Variants in GRB14 observed in about 807,000 individuals in gnomAD.
GRB14 encodes the protein growth factor receptor-bound protein 14.
Under a neutral mutation model 69.1 loss-of-function variants are expected in GRB14, and 38 were observed. The observed-to-expected ratio is 0.55, with a 90% CI of 0.42 to 0.72. The LOEUF is 0.72. Ranked by LOEUF, GRB14 falls within the 30% of genes least tolerant of loss-of-function variation. The pLI is 0.00. For synonymous variants in GRB14, 247 were observed against 241.3 expected (o/e 1.02, Z -0.22); for missense variants, 666 against 666.1 (o/e 1.00, Z 0.00).
rs926370175 is a variant in GRB14 at position 164,614,899 on chromosome 2, C to T, written c.324+4788G>A. Among the ~76,000 whole-genome samples the T allele has an allele frequency of 2.6e-5, 4 of 152,136 alleles. No homozygotes were observed. In the East Asian group the frequency reaches 7.7e-4, roughly 29 times the overall value. The stretch of plus-strand genomic sequence containing the variant: ...CCTTTAATTTGGGGACAGAGATCTG[C>T]TTATCCTTTGAAAGTCCGTGACATG... On this transcript the variant is annotated intron_variant, in intron 2 of 13. Coordinates refer to ENST00000263915, the MANE Select transcript of GRB14 (RefSeq NM_004490.3).
chr2:164,572,519 GC>G, intron 2 of GRB14, among the ~76,000 whole-genome samples: 1 of 152,144 alleles, frequency 6.6e-6, no homozygotes, highest in Non-Finnish European at 1.5e-5. Context: ...CATATCAATT[GC>G]CCATTAAGTG....
intron 2 of GRB14, among the ~76,000 whole-genome samples, chr2:164,598,661 G>A (rs1295967794): frequency 1.3e-5 from 2 of 152,106 alleles, no homozygotes; most frequent in Non-Finnish European, 2.9e-5. Context: ...TAGTTTTAAA[G>A]TAAAAAATTC....
At chr2:164,590,926 TG>T (rs1461033372) in intron 2 of GRB14, among the ~76,000 whole-genome samples, 1 of 152,212 alleles carries the variant, frequency 6.6e-6, no homozygotes, top group Admixed American at 6.5e-5. Context: ...AAGTCACATG[TG>T]GAATAACATG....
At chr2:164,526,528 C>T (rs79223780) in intron 4 of GRB14, among the ~76,000 whole-genome samples, 3,715 of 152,042 alleles carry the variant, frequency 0.024, 133 homozygotes, top group African/African-American at 0.082. Flanking sequence ...TCATGTCAAT[C>T]TTAATTTCTG....
chr2:164,551,663 A>G (rs748846051), intron 2 of GRB14, among the ~76,000 whole-genome samples: 7 of 152,148 alleles, frequency 4.6e-5, no homozygotes, highest in Non-Finnish European at 8.8e-5. Flanking sequence ...CTCACAAACA[A>G]CATGCTTTCT....
At chr2:164,556,897 G>T (rs908790780) in intron 2 of GRB14, among the ~76,000 whole-genome samples, 9 of 152,128 alleles carry the variant, frequency 5.9e-5, no homozygotes, top group Non-Finnish European at 1.2e-4. Flanking sequence ...AGTGATGAAA[G>T]AAACCATCAT....
intron 3 of GRB14, among the ~76,000 whole-genome samples, chr2:164,532,909 G>T (rs1372901489): frequency 6.6e-6 from 1 of 152,158 alleles, no homozygotes; most frequent in Non-Finnish European, 1.5e-5. Flanking sequence ...GGGAAACGAG[G>T]CAGAGTTAAA....
chr2:164,591,642 A>G (rs1689666813), intron 2 of GRB14, among the ~76,000 whole-genome samples: 1 of 152,156 alleles, frequency 6.6e-6, no homozygotes, highest in Non-Finnish European at 1.5e-5. Context: ...CAAAGGCCTT[A>G]GGGCAGTTAA....
chr2:164,516,598 T>C lies in GRB14; in HGVS notation c.816+5382A>G, dbSNP rs367877392. Reference sequence around the variant, plus strand: ...TCTTTAGTCTCCTTAAACAAAATAATTATCAGCCAAAAATTTTGTATCCAG... The same window carrying C: ...TCTTTAGTCTCCTTAAACAAAATAACTATCAGCCAAAAATTTTGTATCCAG... On this transcript the variant is annotated intron_variant, in intron 6 of 13. Transcript: ENST00000263915. 2.0e-5 allele frequency among the ~76,000 whole-genome samples: 3 copies of C among 152,034 alleles called. No individual in the cohort carries two copies. The East Asian group carries it at 5.8e-4, about 29-fold the overall frequency.
intron 2 of GRB14, among the ~76,000 whole-genome samples, chr2:164,569,147 C>T (rs1053048318): frequency 2.0e-5 from 3 of 152,088 alleles, no homozygotes; most frequent in Non-Finnish European, 4.4e-5. Context: ...TGTGATGTAG[C>T]ATATTTCATT....
At chr2:164,565,029 T>TAAAC (rs1006453269) in intron 2 of GRB14, among the ~76,000 whole-genome samples, 2 of 151,688 alleles carry the variant, frequency 1.3e-5, no homozygotes, top group Admixed American at 6.6e-5. Context: ...AACAAACAAA[T>TAAAC]AAACAAACAA....
chr2:164,493,095 G>GTTGA lies in GRB14; in HGVS notation c.1560_1563dup (p.Leu522SerfsTer4). 3.1e-6 allele frequency: 5 copies of GTTGA among 1,613,614 alleles called. No homozygotes were observed. Among genetic ancestry groups the GTTGA allele is most frequent in the Non-Finnish European group, 4.2e-6 (5 of 1,179,654 alleles). ...TTGCAAGGAAGAACGCCCTTATTGA[G>GTTGA]TTGATAGAACTCCACCAGCTGTATT... On this transcript the variant is annotated frameshift_variant, in exon 14 of 14. Transcript: ENST00000263915. LOFTEE classifies it high-confidence loss of function.
chr2:164,542,730 TA>T (rs1022746190), intron 3 of GRB14, among the ~76,000 whole-genome samples: 2 of 151,332 alleles, frequency 1.3e-5, no homozygotes, highest in East Asian at 3.9e-4. Context: ...TCATCAAAAG[TA>T]AAAAAAACAG....
chr2:164,540,684 C>G (rs1424477788), intron 3 of GRB14, among the ~76,000 whole-genome samples: 1 of 152,134 alleles, frequency 6.6e-6, no homozygotes, highest in African/African-American at 2.4e-5. Context: ...TCCTGCTTTC[C>G]CTCCCCAGAG....
At chr2:164,585,107 TTTTTTTTTTTTTTTTTTTTTA>T in intron 2 of GRB14, among the ~76,000 whole-genome samples, 4 of 119,896 alleles carry the variant, frequency 3.3e-5, no homozygotes, top group Admixed American at 8.7e-5. Flanking sequence ...TTTTTTTTTT[TTTTTTTTTTTTTTTTTTTTTA>T]GTAGAGATGG....
At chr2:164,564,145 C>T (rs1474524014) in intron 2 of GRB14, among the ~76,000 whole-genome samples, 2 of 152,174 alleles carry the variant, frequency 1.3e-5, no homozygotes, top group Non-Finnish European at 2.9e-5. Flanking sequence ...AGGCAATAGA[C>T]AGCATTTGGG....
intron 3 of GRB14, among the ~76,000 whole-genome samples, chr2:164,545,286 C>G (rs1214622414): frequency 6.6e-6 from 1 of 152,072 alleles, no homozygotes; most frequent in East Asian, 1.9e-4. Context: ...ATAACCACAT[C>G]TTAATTCCTA....
chr2:164,541,867 C>T (rs1052315294), intron 3 of GRB14, among the ~76,000 whole-genome samples: 1 of 152,082 alleles, frequency 6.6e-6, no homozygotes. Context: ...ACCTCTTCCT[C>T]CCCTAGTAGC....
At chr2:164,536,938 G>A (rs904246969) in intron 3 of GRB14, among the ~76,000 whole-genome samples, 1 of 152,158 alleles carries the variant, frequency 6.6e-6, no homozygotes, top group Non-Finnish European at 1.5e-5. Context: ...AGTGCCTCCT[G>A]CAGCTCTCTG....
Sources: allele counts gnomAD v4.1 joint callset (sites outside exome capture counted in the v4.1 genomes callset), GRCh38; gene constraint gnomAD v4.1.1; transcripts MANE v1.5; gene names NCBI Gene and HGNC (gene_info 2026-07-23, HGNC 2026-07-21).